The following ABR variants were observed in gnomAD, a reference collection of about 807,000 sequenced individuals.
The protein encoded by ABR is active breakpoint cluster region-related protein.
A neutral mutation model predicts 107.2 loss-of-function variants in ABR; 35 were observed. That is an observed-to-expected ratio of 0.33 (90% CI 0.25 to 0.43). The LOEUF (loss-of-function observed/expected upper bound fraction) is 0.43. ABR is among the 20% of genes least tolerant of loss of function. The pLI, the probability that ABR is intolerant of heterozygous loss-of-function variation, is 1.00. For synonymous variants in ABR, 498 were observed against 462.0 expected, an observed-to-expected ratio of 1.08 and a Z score of -1.00; for missense variants, 815 against 1,115.2, an observed-to-expected ratio of 0.73 and a Z score of 3.83.
At chr17:1,038,201 C>T (rs570125509) in intron 16 of ABR, among the ~76,000 whole-genome samples, 48 of 152,182 alleles carry the variant, frequency 3.2e-4, no homozygotes, top group Non-Finnish European at 6.3e-4. Context: ...CTCAGCGCCC[C>T]GCCCTCCTTT....
At chr17:1,040,297 C>T (rs1441970844) in intron 16 of ABR, among the ~76,000 whole-genome samples, 1 of 152,192 alleles carries the variant, frequency 6.6e-6, no homozygotes, top group African/African-American at 2.4e-5. Context: ...TGACTCCTGC[C>T]CTGGCGGGCT....
upstream of ABR, among the ~76,000 whole-genome samples, chr17:1,190,319 C>A (rs2042403731): frequency 1.3e-5 from 2 of 152,174 alleles, no homozygotes; most frequent in African/African-American, 4.8e-5. Flanking sequence ...TTCTCCGAGG[C>A]CTGTCCCAAA....
intron 4 of ABR, among the ~76,000 whole-genome samples, chr17:1,090,091 G>A (rs1397483254): frequency 2.6e-5 from 4 of 152,212 alleles, no homozygotes; most frequent in African/African-American, 9.6e-5. Flanking sequence ...CTTGGAGGAG[G>A]TCCCTTCTAA....
At chr17:1,008,133 T>C (rs541411122) in intron 21 of ABR, among the ~76,000 whole-genome samples, 1 of 152,294 alleles carries the variant, frequency 6.6e-6, no homozygotes, top group African/African-American at 2.4e-5. Flanking sequence ...CTCTGGATCC[T>C]CTCCTGCTTC....
chr17:1,145,835 G>A (rs996531511), intron 1 of ABR, among the ~76,000 whole-genome samples: 5 of 152,164 alleles, frequency 3.3e-5, no homozygotes, highest in Non-Finnish European at 7.3e-5. Flanking sequence ...CGCAGAAGTC[G>A]CCCAAGGCGT....
At chr17:1,202,514 T>C (rs1194572156) in intron 1 of ABR, among the ~76,000 whole-genome samples, 3 of 152,196 alleles carry the variant, frequency 2.0e-5, no homozygotes, top group Non-Finnish European at 4.4e-5. Context: ...TGCCCACTCA[T>C]GATGAAGTTG....
intron 2 of ABR, among the ~76,000 whole-genome samples, chr17:1,106,606 T>C (rs2038268747): frequency 6.8e-6 from 1 of 147,190 alleles, no homozygotes; most frequent in Non-Finnish European, 1.5e-5. Flanking sequence ...CTTGGCTCGC[T>C]GCAACCTCTG....
At chr17:1,039,077 G>C (rs1262268127) in intron 16 of ABR, among the ~76,000 whole-genome samples, 1 of 152,164 alleles carries the variant, frequency 6.6e-6, no homozygotes, top group African/African-American at 2.4e-5. Context: ...GAGTCTGGGA[G>C]CCCGGCACCC....
intron 10 of ABR, among the ~76,000 whole-genome samples, chr17:1,064,836 A>G (rs1343804540): frequency 1.6e-5 from 2 of 122,096 alleles, no homozygotes; most frequent in East Asian, 2.5e-4. Context: ...TCCTCTAGAC[A>G]CTGTTGTTAC....
chr17:1,226,681 G>T (rs963860562), intron 1 of ABR, among the ~76,000 whole-genome samples: 5 of 138,700 alleles, frequency 3.6e-5, no homozygotes, highest in Non-Finnish European at 7.9e-5. Context: ...AGTATGCCAT[G>T]TGTTTACATG....
At chr17:1,207,192 C>G (rs1228192671) in intron 1 of ABR, among the ~76,000 whole-genome samples, 1 of 151,280 alleles carries the variant, frequency 6.6e-6, no homozygotes, top group East Asian at 1.9e-4. Context: ...TTCAAGGGTG[C>G]CAGTGAGCTG....
At chr17:1,105,916 T>C (rs7217439) in intron 2 of ABR, among the ~76,000 whole-genome samples, 36,434 of 151,924 alleles carry the variant, frequency 0.24, 4,386 homozygotes, top group Middle Eastern at 0.36. Context: ...TTAATCTGCA[T>C]TACAAAAGGG....
At chr17:1,073,811 A>G in intron 6 of ABR, 134 bp from the exon 7 acceptor site, 1 of 713,838 alleles carries the variant, frequency 1.4e-6, no homozygotes. Flanking sequence ...GAGTGAGCCC[A>G]CGGCAGCCCC....
At chr17:1,096,941 C>A (rs2037494700) in intron 3 of ABR, among the ~76,000 whole-genome samples, 2 of 143,394 alleles carry the variant, frequency 1.4e-5, no homozygotes, top group Non-Finnish European at 3.1e-5. Flanking sequence ...AAGGGGGGAA[C>A]CTGCCCGGGG....
intron 1 of ABR, among the ~76,000 whole-genome samples, chr17:1,193,272 C>A (rs578177425): frequency 1.3e-4 from 19 of 148,452 alleles, no homozygotes; most frequent in South Asian, 1.1e-3. Context: ...GGGACACCCC[C>A]TCCCCCTCAA....
chr17:1,211,498 G>C (rs995552135), intron 1 of ABR, among the ~76,000 whole-genome samples: 6 of 151,960 alleles, frequency 3.9e-5, no homozygotes, highest in African/African-American at 1.5e-4. Flanking sequence ...AACAAAGCGT[G>C]AATCATAGGA....
At chr17:1,026,223 G>A (rs192169136) in intron 16 of ABR, among the ~76,000 whole-genome samples, 2 of 152,376 alleles carry the variant, frequency 1.3e-5, no homozygotes, top group Admixed American at 1.3e-4. Flanking sequence ...GCACACAGCA[G>A]TTAAGTAGCA....
intron 16 of ABR, among the ~76,000 whole-genome samples, chr17:1,029,462 C>A (rs1391388621): frequency 6.6e-6 from 1 of 152,154 alleles, no homozygotes; most frequent in Non-Finnish European, 1.5e-5. Flanking sequence ...ATGAGTCACG[C>A]CCCGCCTCCA....
At chr17:1,119,472 TTATCCCTGAGCCTGAGTTCCTCCCAGCG>T (rs1358097517) in intron 2 of ABR, among the ~76,000 whole-genome samples, 10 of 91,252 alleles carry the variant, frequency 1.1e-4, no homozygotes, top group African/African-American at 2.9e-4. Flanking sequence ...CTTCCCAGCG[TTATCCCTGAGCCTGAGTTCCTCCCAGCG>T]TTATCCCTGA....
Sources: gnomAD v4.1 joint callset for allele counts (sites outside exome capture counted in the v4.1 genomes callset) on GRCh38, gnomAD v4.1.1 for gene constraint, MANE v1.5 for transcripts, NCBI Gene and HGNC (gene_info 2026-07-23, HGNC 2026-07-21) for gene names.